Variants in TANC1 observed in about 807,000 individuals in gnomAD.
TANC1 encodes protein TANC1.
Under a neutral mutation model 149.7 loss-of-function variants are expected in TANC1, and 77 were observed. The ratio of observed to expected loss-of-function variants is 0.51; its 90% CI spans 0.43 to 0.62. The LOEUF (loss-of-function observed/expected upper bound fraction) is 0.62. TANC1 is among the 20% of genes least tolerant of loss of function. The pLI, the probability that TANC1 is intolerant of heterozygous loss-of-function variation, is 0.00. For missense variants in TANC1, 1,985 were observed against 2,321.8 expected (o/e 0.85, Z 2.98); for synonymous variants, 854 against 925.0 (o/e 0.92, Z 1.39).
intron 4 of TANC1, among the ~76,000 whole-genome samples, chr2:159,126,464 A>C (rs1038901755): frequency 7.9e-5 from 12 of 152,190 alleles, no homozygotes; most frequent in Admixed American, 5.2e-4. Context: ...CTTACCTCAA[A>C]TATCATCAAT....
intron 1 of TANC1, among the ~76,000 whole-genome samples, chr2:158,991,091 CAAAAAAAAA>C (rs34411224): frequency 5.7e-5 from 4 of 70,166 alleles, no homozygotes; most frequent in African/African-American, 1.8e-4. Flanking sequence ...GATCCTGTGT[CAAAAAAAAA>C]AAAAAAAAAA....
chr2:159,152,584 G>A (rs1181434635), intron 7 of TANC1, among the ~76,000 whole-genome samples: 1 of 151,294 alleles, frequency 6.6e-6, no homozygotes, highest in East Asian at 1.9e-4. Context: ...CAAACTTCTG[G>A]GCTAATGCAA....
chr2:159,150,162 TG>T (rs2052619257), intron 6 of TANC1: 1 of 446,310 alleles, frequency 2.2e-6, no homozygotes, highest in African/African-American at 2.0e-5. Flanking sequence ...ACAAAGATAC[TG>T]CTTTCTCAAA....
intron 4 of TANC1, among the ~76,000 whole-genome samples, chr2:159,105,970 T>TA (rs57945495): frequency 0.38 from 56,259 of 147,856 alleles, 10,879 homozygotes; most frequent in East Asian, 0.59. Context: ...CATGTATGTT[T>TA]AAAAAAAAAA....
chr2:159,039,969 T>G (rs2040498951), intron 2 of TANC1, among the ~76,000 whole-genome samples: 1 of 152,210 alleles, frequency 6.6e-6, no homozygotes. Context: ...TCTCCCATTA[T>G]TATTGTGTGG....
chr2:159,073,682 C>A (rs942239983), intron 3 of TANC1, among the ~76,000 whole-genome samples: 5 of 152,098 alleles, frequency 3.3e-5, no homozygotes, highest in Non-Finnish European at 5.9e-5. Context: ...TTATTTTGTA[C>A]AGACTTAGTT....
intron 1 of TANC1, among the ~76,000 whole-genome samples, chr2:158,994,805 G>GT (rs1348208794): frequency 6.6e-6 from 1 of 152,180 alleles, no homozygotes; most frequent in Non-Finnish European, 1.5e-5. Flanking sequence ...TATGCTTTAG[G>GT]TTTTAAAGTT....
intron 3 of TANC1, among the ~76,000 whole-genome samples, chr2:159,067,520 C>T (rs954484184): frequency 6.6e-6 from 1 of 152,230 alleles, no homozygotes; most frequent in African/African-American, 2.4e-5. Flanking sequence ...GACATTCACC[C>T]TCTGCTGGGT....
chr2:159,125,380 A>G (rs1333070464), intron 4 of TANC1, among the ~76,000 whole-genome samples: 6 of 152,130 alleles, frequency 3.9e-5, no homozygotes, highest in Non-Finnish European at 5.9e-5. Flanking sequence ...TCTTAAATCT[A>G]TTATCTCACA....
intron 11 of TANC1, among the ~76,000 whole-genome samples, chr2:159,172,902 C>G (rs2055410227): frequency 6.6e-6 from 1 of 152,150 alleles, no homozygotes; most frequent in South Asian, 2.1e-4. Flanking sequence ...GCTGCTGGAG[C>G]CAGCAGCCAT....
chr2:158,996,219 G>T (rs778851980), intron 1 of TANC1, among the ~76,000 whole-genome samples: 9 of 152,124 alleles, frequency 5.9e-5, no homozygotes, highest in African/African-American at 2.2e-4. Context: ...TGATAGCTGG[G>T]TGTGGTGGCA....
At chr2:158,973,105 C>T (rs2033136774) in intron 1 of TANC1, among the ~76,000 whole-genome samples, 1 of 152,102 alleles carries the variant, frequency 6.6e-6, no homozygotes, top group South Asian at 2.1e-4. Flanking sequence ...GTTCCATAGA[C>T]AGAATGTCAA....
intron 1 of TANC1, among the ~76,000 whole-genome samples, chr2:158,980,106 A>AG (rs1467797185): frequency 6.6e-6 from 1 of 152,224 alleles, no homozygotes; most frequent in Non-Finnish European, 1.5e-5. Flanking sequence ...GGTGTTACGC[A>AG]GGGAAAAAAG....
chr2:159,182,891 C>G (rs982794483), intron 14 of TANC1, among the ~76,000 whole-genome samples: 1 of 152,198 alleles, frequency 6.6e-6, no homozygotes, highest in Non-Finnish European at 1.5e-5. Flanking sequence ...TCTCTGTTAA[C>G]TCGAGGAGTT....
chr2:159,034,611 C>T (rs1239643853), intron 2 of TANC1, among the ~76,000 whole-genome samples: 2 of 152,136 alleles, frequency 1.3e-5, no homozygotes, highest in Non-Finnish European at 2.9e-5. Context: ...ACACCTGTCT[C>T]ATGGAAATGG....
At chr2:159,011,724 A>G (rs534570463) in intron 2 of TANC1, among the ~76,000 whole-genome samples, 7 of 152,094 alleles carry the variant, frequency 4.6e-5, no homozygotes, top group Non-Finnish European at 1.0e-4. Flanking sequence ...TTAAGATGAT[A>G]GAACTAATAT....
At chr2:159,140,567 A>G (rs1231197103) in intron 5 of TANC1, among the ~76,000 whole-genome samples, 1 of 151,990 alleles carries the variant, frequency 6.6e-6, no homozygotes, top group Non-Finnish European at 1.5e-5. Flanking sequence ...GTCTTTATGG[A>G]GCCTTAGAGT....
intron 16 of TANC1, among the ~76,000 whole-genome samples, chr2:159,192,904 C>A (rs910461887): frequency 6.6e-6 from 1 of 152,204 alleles, no homozygotes; most frequent in African/African-American, 2.4e-5. Context: ...CCCGCCTCAG[C>A]CTCCCAAAGT....
chr2:159,054,565 A>C (rs2041707557), intron 2 of TANC1, among the ~76,000 whole-genome samples: 1 of 152,218 alleles, frequency 6.6e-6, no homozygotes, highest in African/African-American at 2.4e-5. Flanking sequence ...CATAAGCAAG[A>C]GATCATTCTG....
Sources: gnomAD v4.1 joint callset for allele counts (sites outside exome capture counted in the v4.1 genomes callset) on GRCh38, gnomAD v4.1.1 for gene constraint, MANE v1.5 for transcripts, NCBI Gene and HGNC (gene_info 2026-07-23, HGNC 2026-07-21) for gene names.